The following CTNNA3 variants were observed in gnomAD, a reference collection of about 807,000 sequenced individuals.
CTNNA3 encodes the protein catenin alpha-3.
In CTNNA3, 76 loss-of-function variants were observed where a neutral mutation model predicts 95.7. That is an observed-to-expected ratio of 0.79 (90% CI 0.66 to 0.96). The LOEUF is 0.96. Among genes scored for constraint, CTNNA3 ranks in the 40% least tolerant of loss-of-function variants. The pLI is 0.00. For missense variants in CTNNA3, 1,191 were observed against 1,089.8 expected (o/e 1.09, Z -1.31); for synonymous variants, 431 against 374.4 (o/e 1.15, Z -1.74).
At chr10:66,740,337 C>T (rs1239606872) in intron 9 of CTNNA3, among the ~76,000 whole-genome samples, 3 of 152,212 alleles carry the variant, frequency 2.0e-5, no homozygotes, top group Non-Finnish European at 2.9e-5. Flanking sequence ...AAGTCCCACA[C>T]TGGCACAGCA....
chr10:66,457,024 G>C (rs1400574123), intron 11 of CTNNA3, among the ~76,000 whole-genome samples: 1 of 151,884 alleles, frequency 6.6e-6, no homozygotes, highest in Admixed American at 6.6e-5. Flanking sequence ...AGCCCAAGAC[G>C]TCGTGTCTGG....
Position 67,111,225 on chromosome 10 carries a change from A to G in CTNNA3, c.1047+69092T>C, listed in dbSNP as rs1260060096. 2.0e-5 allele frequency among the ~76,000 whole-genome samples: 3 copies of G among 152,168 alleles called. No homozygotes were observed. The East Asian group carries it at 5.8e-4, about 29-fold the overall frequency. ...ACTGGAAGAGGAAAAGCTTACATTAATTTATCTTGAAAAATGAAATGTCCA... is the reference window on the plus strand; with the variant it reads ...ACTGGAAGAGGAAAAGCTTACATTAGTTTATCTTGAAAAATGAAATGTCCA... On this transcript the variant is annotated intron_variant, in intron 7 of 17. Transcript: ENST00000433211.
chr10:66,395,546 C>T (rs925622720), intron 11 of CTNNA3, among the ~76,000 whole-genome samples: 3 of 151,976 alleles, frequency 2.0e-5, no homozygotes, highest in Non-Finnish European at 2.9e-5. Flanking sequence ...AAAGATATGG[C>T]TTAAAAGGTA....
chr10:67,091,158 C>T (rs1857606715), intron 7 of CTNNA3, among the ~76,000 whole-genome samples: 1 of 151,984 alleles, frequency 6.6e-6, no homozygotes. Flanking sequence ...TCTCCAAACA[C>T]ACATCAAATT....
chr10:65,989,885 C>T (rs2133330308), intron 15 of CTNNA3, among the ~76,000 whole-genome samples: 1 of 152,174 alleles, frequency 6.6e-6, no homozygotes, highest in African/African-American at 2.4e-5. Context: ...AACACCATGC[C>T]AAGCCTCAGA....
At position 66,745,272 on chromosome 10, in the gene CTNNA3, T is replaced by A. The variant is rs1589204045; in HGVS notation, c.1281+20992A>T. Among the ~76,000 whole-genome samples the A allele has an allele frequency of 2.0e-5, 3 of 152,322 alleles. No individual in the cohort carries two copies. In the South Asian group the frequency reaches 6.2e-4, roughly 32 times the overall value. ...CATAGGTTCTAAATATTTTAAAACT[T>A]GATGTAAAAAGTCCAGATTACCTCA... On this transcript the variant is annotated intron_variant, in intron 9 of 17. Coordinates refer to ENST00000433211, the MANE Select transcript of CTNNA3 (RefSeq NM_013266.4).
chr10:67,554,370 C>A (rs1841151509), intron 3 of CTNNA3, among the ~76,000 whole-genome samples: 1 of 151,962 alleles, frequency 6.6e-6, no homozygotes, highest in Non-Finnish European at 1.5e-5. Flanking sequence ...GTTTACAGTC[C>A]CAACAGTGTA....
At chr10:66,026,088 G>A (rs1022395490) in intron 15 of CTNNA3, among the ~76,000 whole-genome samples, 3 of 152,052 alleles carry the variant, frequency 2.0e-5, no homozygotes, top group African/African-American at 7.2e-5. Context: ...AGAACCAGAG[G>A]AACAAAATAA....
intron 5 of CTNNA3, among the ~76,000 whole-genome samples, chr10:67,357,482 T>C (rs1297556037): frequency 6.6e-6 from 1 of 152,020 alleles, no homozygotes; most frequent in Admixed American, 6.6e-5. Flanking sequence ...GTAAACTTAA[T>C]AGAAAGTATG....
intron 7 of CTNNA3, among the ~76,000 whole-genome samples, chr10:67,169,471 G>T (rs1249950138): frequency 6.6e-6 from 1 of 152,018 alleles, no homozygotes; most frequent in Non-Finnish European, 1.5e-5. Context: ...CAGAAATAAG[G>T]CCACACATCT....
intron 10 of CTNNA3, among the ~76,000 whole-genome samples, chr10:66,621,171 G>C (rs1844732897): frequency 6.6e-6 from 1 of 152,092 alleles, no homozygotes; most frequent in Non-Finnish European, 1.5e-5. Context: ...CAGCTGATTT[G>C]AAATTTCAAA....
At chr10:66,128,331 A>G (rs1371452163) in intron 13 of CTNNA3, among the ~76,000 whole-genome samples, 1 of 152,176 alleles carries the variant, frequency 6.6e-6, no homozygotes, top group African/African-American at 2.4e-5. Flanking sequence ...GGTCCACATA[A>G]AAACCTGCAC....
intron 9 of CTNNA3, among the ~76,000 whole-genome samples, chr10:66,699,002 T>C (rs191878252): frequency 1.5e-3 from 231 of 152,334 alleles, no homozygotes; most frequent in Non-Finnish European, 2.5e-3. Context: ...AGAATATACA[T>C]TTCATACTTT....
intron 9 of CTNNA3, among the ~76,000 whole-genome samples, chr10:66,730,082 G>A (rs1036930183): frequency 1.3e-5 from 2 of 149,968 alleles, no homozygotes; most frequent in Non-Finnish European, 3.0e-5. Context: ...CTCCAGCCTG[G>A]GTGACAGAGC....
At chr10:66,298,521 A>G (rs2132220548) in intron 12 of CTNNA3, among the ~76,000 whole-genome samples, 1 of 152,310 alleles carries the variant, frequency 6.6e-6, no homozygotes, top group African/African-American at 2.4e-5. Context: ...TAAGAGAGTT[A>G]CAGTGGTTAT....
chr10:66,666,414 T>C (rs548747513), intron 9 of CTNNA3, among the ~76,000 whole-genome samples: 4 of 152,334 alleles, frequency 2.6e-5, no homozygotes, highest in African/African-American at 7.2e-5. Context: ...CATCTTTGGA[T>C]ACTTTGGATT....
chr10:66,915,953 T>C (rs1846472023), intron 7 of CTNNA3, among the ~76,000 whole-genome samples: 1 of 152,082 alleles, frequency 6.6e-6, no homozygotes, highest in Non-Finnish European at 1.5e-5. Context: ...TTCACCATGT[T>C]GGCCAGGATG....
intron 3 of CTNNA3, among the ~76,000 whole-genome samples, chr10:67,606,520 G>C (rs1022948208): frequency 3.3e-5 from 5 of 152,082 alleles, no homozygotes; most frequent in African/African-American, 4.8e-5. Context: ...TTTATGTATA[G>C]ACAAATAAAT....
chr10:67,647,623 T>C, intron 1 of CTNNA3, 105 bp from the exon 2 acceptor site: 3 of 816,294 alleles, frequency 3.7e-6, no homozygotes, highest in Non-Finnish European at 5.9e-6. Flanking sequence ...CAGCACCTCT[T>C]CCTGATATCA....
Sources: gnomAD v4.1 joint callset for allele counts (sites outside exome capture counted in the v4.1 genomes callset) on GRCh38, gnomAD v4.1.1 for gene constraint, MANE v1.5 for transcripts, NCBI Gene and HGNC (gene_info 2026-07-23, HGNC 2026-07-21) for gene names.